The following SSBP4 variants were observed in gnomAD, a reference collection of about 807,000 sequenced individuals.
SSBP4 encodes the protein single-stranded DNA-binding protein 4.
SSBP4 carries 33 observed loss-of-function variants against 64.6 expected under a neutral mutation model. The ratio of observed to expected loss-of-function variants is 0.51; its 90% CI spans 0.39 to 0.68. The LOEUF (loss-of-function observed/expected upper bound fraction) is 0.68. Ranked by LOEUF, SSBP4 falls within the 30% of genes least tolerant of loss-of-function variation. SSBP4 has a pLI of 0.00. For missense variants in SSBP4, 583 were observed against 566.8 expected (o/e 1.03, Z -0.29); for synonymous variants, 243 against 224.0 (o/e 1.08, Z -0.76).
In SSBP4 at chr19:18,430,915, G is replaced by T. The variant is rs779036092; in HGVS notation, c.354G>T (p.Ala118=). ...ACACAATGGCCGCAGGCTCCATGGCGGCTGGCTTCTTCCAGGTATGGCCCC... is the reference window on the plus strand; with the variant it reads ...ACACAATGGCCGCAGGCTCCATGGCTGCTGGCTTCTTCCAGGTATGGCCCC... The part of the protein sequence containing the change: ...PGDTMAAGSM[A]AGFFQGPPGS... The change falls in exon 5 of 18, where the codon GCG becomes GCT. Residue 118 remains alanine (A), a synonymous_variant. Coordinates refer to ENST00000270061, the MANE Select transcript of SSBP4 (RefSeq NM_032627.5). The T allele has an allele frequency of 1.2e-6, 2 of 1,612,620 alleles. No homozygotes were observed. Among genetic ancestry groups the T allele is most frequent in the Admixed American group, 3.3e-5 (2 of 59,990 alleles).
At chr19:18,419,042 C>A, upstream of SSBP4, 1 of 985,580 alleles carries the variant, frequency 1.0e-6, no homozygotes, top group Non-Finnish European at 1.2e-6. Context: ...TATCCGCAGT[C>A]GTTCCAGCAG....
upstream of SSBP4, among the ~76,000 whole-genome samples, chr19:18,413,898 T>G (rs1972112191): frequency 6.6e-6 from 1 of 152,066 alleles, no homozygotes; most frequent in Admixed American, 6.5e-5. Flanking sequence ...GCACCTGTAA[T>G]CCCAGCTACT....
upstream of SSBP4, among the ~76,000 whole-genome samples, chr19:18,416,021 A>G (rs1219611715): frequency 6.6e-6 from 1 of 151,766 alleles, no homozygotes; most frequent in African/African-American, 2.4e-5. Context: ...AGGTTTTTTT[A>G]GTTTTTGTTG....
chr19:18,431,345 C>G lies in SSBP4; in HGVS notation c.370-8C>G. 1 of 583,484 alleles carries G rather than the reference C, an allele frequency of 1.7e-6. No individual in the cohort carries two copies. The highest frequency in any genetic ancestry group is 2.9e-6 in the Non-Finnish European group (1 of 343,746). The allele number at this position is 583,484 out of a possible 1,614,324, so 36.1% of individuals were successfully genotyped here. A position where few individuals can be genotyped will look rare whatever the true frequency, so the allele number is the denominator to read the frequency against. ...CTCCCCCCCACCCACCTGGTTCTGT[C>G]CTCCTAGGGCCCCCCCGGCTCCCAG... On this transcript the variant is annotated splice_polypyrimidine_tract_variant and splice_region_variant and intron_variant, in intron 5 of 17. Coordinates refer to ENST00000270061, the MANE Select transcript of SSBP4 (RefSeq NM_032627.5).
At chr19:18,415,221 C>A (rs1049956569), upstream of SSBP4, among the ~76,000 whole-genome samples, 30 of 152,370 alleles carry the variant, frequency 2.0e-4, no homozygotes, top group Middle Eastern at 3.4e-3. Context: ...CGGCTCCCAG[C>A]TGTGGCCGCC....
Position 18,427,237 on chromosome 19 carries a change from G to C in SSBP4, c.60-114G>C, listed in dbSNP as rs13346832. 0.013 allele frequency: 13,377 copies of C among 1,042,784 alleles called. 1,153 individuals carry two copies. In the African/African-American group the frequency reaches 0.18, roughly 14 times the overall value. The allele number at this position is 1,042,784 out of a possible 1,614,324, so 64.6% of individuals were successfully genotyped here. A position where few individuals can be genotyped will look rare whatever the true frequency, so the allele number is the denominator to read the frequency against. ...TGGATAACTATGAGCTGTCCCTGCT[G>C]AGCAGCTGGTGGGGAGGCCACCTTT... On this transcript the variant is annotated intron_variant, in intron 1 of 17. Coordinates refer to ENST00000270061, the MANE Select transcript of SSBP4 (RefSeq NM_032627.5). The surrounding 1 kb of genome is among the most constrained non-coding windows in gnomAD (Gnocchi z 4.4).
the SSBP4 span, among the ~76,000 whole-genome samples, chr19:18,412,273 C>T: frequency 6.6e-6 from 1 of 151,564 alleles, no homozygotes; most frequent in African/African-American, 2.4e-5. Flanking sequence ...CCAGCCTGGC[C>T]AAGATGGTGA....
At chr19:18,428,454 G>GC (rs1973033957) in intron 4 of SSBP4, among the ~76,000 whole-genome samples, 1 of 152,180 alleles carries the variant, frequency 6.6e-6, no homozygotes, top group South Asian at 2.1e-4. Flanking sequence ...ATCTGGAGCT[G>GC]CCCACTCCCT....
chr19:18,422,416 T>G (rs1316289648), intron 1 of SSBP4, among the ~76,000 whole-genome samples: 1 of 152,116 alleles, frequency 6.6e-6, no homozygotes, highest in African/African-American at 2.4e-5. Flanking sequence ...CCATCTTTGG[T>G]CAGAGCCAGC....
At chr19:18,417,897 G>A (rs1216727428), upstream of SSBP4, among the ~76,000 whole-genome samples, 1 of 152,034 alleles carries the variant, frequency 6.6e-6, no homozygotes, top group Admixed American at 6.5e-5. The surrounding 1 kb of genome is among the most constrained non-coding windows in gnomAD (Gnocchi z 5.4). Context: ...GGGTTCTCAC[G>A]TACTGGGGGG....
chr19:18,408,652 C>T, the SSBP4 span, among the ~76,000 whole-genome samples: 21 of 152,102 alleles, frequency 1.4e-4, no homozygotes, highest in African/African-American at 5.1e-4. Context: ...GCCATCGCAC[C>T]CGGCTAATTT....
At position 18,428,911 on chromosome 19, in the gene SSBP4, G is replaced by A. The variant is rs1322018611; in HGVS notation, c.279+929G>A. On this transcript the variant is annotated intron_variant, in intron 4 of 17. Coordinates refer to ENST00000270061, the MANE Select transcript of SSBP4 (RefSeq NM_032627.5). ...ATCTGGGGCCCCGGGGGTGTCTGGAGCTGTGGACTTGGGCGACTCTGCCCC... is the reference window on the plus strand; with the variant it reads ...ATCTGGGGCCCCGGGGGTGTCTGGAACTGTGGACTTGGGCGACTCTGCCCC... Among the ~76,000 whole-genome samples the A allele has an allele frequency of 2.6e-5, 4 of 152,336 alleles. No homozygotes were observed. In the East Asian group the frequency reaches 7.7e-4, roughly 29 times the overall value.
At chr19:18,414,783 G>A (rs1972118526), upstream of SSBP4, among the ~76,000 whole-genome samples, 2 of 152,132 alleles carry the variant, frequency 1.3e-5, no homozygotes, top group African/African-American at 2.4e-5. Context: ...GGAGTCCCTC[G>A]CAGCCCTGTG....
intron 4 of SSBP4, among the ~76,000 whole-genome samples, chr19:18,429,428 C>T (rs888533532): frequency 6.7e-6 from 1 of 149,016 alleles, no homozygotes; most frequent in African/African-American, 2.5e-5. Context: ...CCGGGATTAA[C>T]TGCTCAGGGC....
chr19:18,430,554 T>C (rs1036615872), intron 4 of SSBP4, among the ~76,000 whole-genome samples: 5 of 151,840 alleles, frequency 3.3e-5, no homozygotes, highest in South Asian at 2.1e-4. Context: ...CTGAGTAGAG[T>C]TGGGGACCCA....
At chr19:18,429,566 A>G (rs1435787192) in intron 4 of SSBP4, among the ~76,000 whole-genome samples, 1 of 151,266 alleles carries the variant, frequency 6.6e-6, no homozygotes, top group Non-Finnish European at 1.5e-5. Context: ...GTGGACAGAC[A>G]CAGGGCTCAA....
Position 18,426,446 on chromosome 19 carries a change from G to A in SSBP4, c.60-905G>A, listed in dbSNP as rs984493870. Among the ~76,000 whole-genome samples, 5 of 152,180 alleles carry A rather than the reference G, an allele frequency of 3.3e-5. No individual in the cohort carries two copies. Among genetic ancestry groups the A allele is most frequent in the South Asian group, 2.1e-4 (1 of 4,834 alleles). On this transcript the variant is annotated intron_variant, in intron 1 of 17. Transcript: ENST00000270061. The surrounding 1 kb of genome is among the most constrained non-coding windows in gnomAD (Gnocchi z 4.5). ...AGTACAAGAGCTCTGAGCAGGGAGCGGCTCAGTTCCAGGGAGGTCCAGAAG... is the reference window on the plus strand; with the variant it reads ...AGTACAAGAGCTCTGAGCAGGGAGCAGCTCAGTTCCAGGGAGGTCCAGAAG...
the SSBP4 span, among the ~76,000 whole-genome samples, chr19:18,407,852 C>T: frequency 6.6e-6 from 1 of 152,144 alleles, no homozygotes; most frequent in Non-Finnish European, 1.5e-5. Context: ...AAGTGATCCT[C>T]CTACCTCAGC....
chr19:18,432,036 C>G lies in SSBP4; in HGVS notation c.602C>G (p.Thr201Arg). The G allele has an allele frequency of 6.3e-7, 1 of 1,582,272 alleles. No homozygotes were observed. The highest frequency in any genetic ancestry group is 8.6e-7 in the Non-Finnish European group (1 of 1,160,232). ...ATGGGCGGCCCAATGCAGAGGGTGA[C>G]GCCTCCTCGTGGCATGGCCAGCGTG... ...PSMGGPMQRV[T>R]PPRGMASVGP... Residue 201 changes from threonine (T) to arginine (R), a missense_variant, in exon 9 of 18, where the codon ACG becomes AGG. Transcript: ENST00000270061.
Sources: allele counts gnomAD v4.1 joint callset (sites outside exome capture counted in the v4.1 genomes callset), GRCh38; gene constraint gnomAD v4.1.1; non-coding constraint Gnocchi (gnomAD v3.1); transcripts MANE v1.5; gene names NCBI Gene and HGNC (gene_info 2026-07-23, HGNC 2026-07-21).